The following PI4K2A variants were observed in gnomAD, a reference collection of about 807,000 sequenced individuals.
PI4K2A encodes phosphatidylinositol 4-kinase type 2 alpha, also known as phosphatidylinositol 4-kinase type 2-alpha.
In PI4K2A, 20 loss-of-function variants were observed where a neutral mutation model predicts 55.0. The ratio of observed to expected loss-of-function variants is 0.36; its 90% CI spans 0.26 to 0.53. PI4K2A has a LOEUF of 0.53. PI4K2A is among the 20% of genes least tolerant of loss of function. The pLI, the probability that PI4K2A is intolerant of heterozygous loss-of-function variation, is 0.91. For missense variants in PI4K2A, 463 were observed against 637.1 expected, an observed-to-expected ratio of 0.73 and a Z score of 2.94; for synonymous variants, 235 against 258.5, an observed-to-expected ratio of 0.91 and a Z score of 0.87.
At chr10:97,643,617 G>A (rs1438859754) in intron 1 of PI4K2A, among the ~76,000 whole-genome samples, 3 of 152,060 alleles carry the variant, frequency 2.0e-5, no homozygotes, top group African/African-American at 4.8e-5. Flanking sequence ...TTCTCATAGG[G>A]GAAGTCCAAA....
chr10:97,642,078 T>C (rs932256374), intron 1 of PI4K2A, among the ~76,000 whole-genome samples: 1 of 152,148 alleles, frequency 6.6e-6, no homozygotes, highest in African/African-American at 2.4e-5. Context: ...TGTGCTGCAA[T>C]GGGTCATTGG....
At chr10:97,658,461 G>T (rs971691811) in intron 4 of PI4K2A, among the ~76,000 whole-genome samples, 16 of 152,140 alleles carry the variant, frequency 1.1e-4, no homozygotes, top group African/African-American at 3.9e-4. Context: ...GGTTGCTTCT[G>T]CATTTTAGCT....
At chr10:97,641,814 G>A (rs1010295655) in intron 1 of PI4K2A, among the ~76,000 whole-genome samples, 2 of 152,154 alleles carry the variant, frequency 1.3e-5, no homozygotes, top group African/African-American at 4.8e-5. Flanking sequence ...TGGAGTTTTA[G>A]AAACATGGGG....
Position 97,667,210 on chromosome 10 carries a change from A to AC in PI4K2A, c.1278+98dup, listed in dbSNP as rs151275374. On this transcript the variant is annotated intron_variant, in intron 8 of 8. Coordinates refer to ENST00000370631, the Ensembl canonical transcript of PI4K2A. ...CAAATGTTTGAAGTTTGTGTTTTATACCCCCCCCTTTTTTTTTGAGACCGA... is the reference window on the plus strand; with the variant it reads ...CAAATGTTTGAAGTTTGTGTTTTATACCCCCCCCCTTTTTTTTTGAGACCGA... 352 of 756,426 alleles carry AC rather than the reference A, an allele frequency of 4.7e-4. 1 individual carries two copies. The highest frequency in any genetic ancestry group is 1.1e-3 in the East Asian group (41 of 36,024). 46.9% of individuals were successfully genotyped at this position (756,426 alleles called of 1,614,324 possible).
In PI4K2A at chr10:97,656,810, C is replaced by G. The variant is rs746559052; in HGVS notation, c.769-11C>G. The G allele has an allele frequency of 6.2e-7, 1 of 1,613,942 alleles. No individual in the cohort carries two copies. Among genetic ancestry groups the G allele is most frequent in the African/African-American group, 1.3e-5 (1 of 75,050 alleles). On this transcript the variant is annotated splice_polypyrimidine_tract_variant and intron_variant, in intron 3 of 8. Transcript: ENST00000370631. This position sits in a 1 kb window ranked among gnomAD's most constrained non-coding sequence, Gnocchi z 4.5. The stretch of plus-strand genomic sequence containing the variant: ...TAGGGAAAAACCTTTGTTCCTTCCT[C>G]TTGGTTCCAGGTTGGTTCATTCCAG...
intron 1 of PI4K2A, 134 bp downstream of exon 1, chr10:97,641,311 C>T: frequency 1.5e-6 from 1 of 649,422 alleles, no homozygotes; most frequent in African/African-American, 1.9e-5. Flanking sequence ...TTAGGGATGC[C>T]ACTGAGGACT....
At chr10:97,655,245 C>G (rs1256427173) in intron 2 of PI4K2A, among the ~76,000 whole-genome samples, 1 of 151,594 alleles carries the variant, frequency 6.6e-6, no homozygotes, top group Non-Finnish European at 1.5e-5. Context: ...TGGCACACAC[C>G]TGTAATCCCA....
chr10:97,650,880 G>A (rs909120307), intron 1 of PI4K2A, 61 bp from the exon 2 acceptor site: 1 of 1,213,112 alleles, frequency 8.2e-7, no homozygotes, highest in African/African-American at 1.5e-5. Flanking sequence ...CTGCTGACTT[G>A]GTCTGTGGGC....
At chr10:97,658,173 C>T (rs1360172117) in intron 4 of PI4K2A, among the ~76,000 whole-genome samples, 1 of 152,144 alleles carries the variant, frequency 6.6e-6, no homozygotes, top group East Asian at 1.9e-4. Flanking sequence ...GCTCTATACT[C>T]ATTAAACAGT....
At chr10:97,653,889 C>G (rs1316658309) in intron 2 of PI4K2A, among the ~76,000 whole-genome samples, 6 of 151,698 alleles carry the variant, frequency 4.0e-5, no homozygotes, top group Non-Finnish European at 5.9e-5. Flanking sequence ...CACACTCTAT[C>G]CTGGGCAACA....
At chr10:97,672,730 T>C (rs941476930) in intron 8 of PI4K2A, among the ~76,000 whole-genome samples, 4 of 134,562 alleles carry the variant, frequency 3.0e-5, no homozygotes, top group Admixed American at 2.2e-4. Context: ...CTGTTCTTTT[T>C]TTTTTTTTTT....
intron 2 of PI4K2A, among the ~76,000 whole-genome samples, chr10:97,655,389 A>T (rs953684989): frequency 6.6e-6 from 1 of 150,796 alleles, no homozygotes; most frequent in Non-Finnish European, 1.5e-5. Context: ...AAAAAAAAAA[A>T]ATTTTTTTTC....
At chr10:97,673,206 G>A (rs536379847) in intron 8 of PI4K2A, among the ~76,000 whole-genome samples, 1 of 151,798 alleles carries the variant, frequency 6.6e-6, no homozygotes, top group African/African-American at 2.4e-5. Context: ...GGCCAGGCTC[G>A]TCTGAAACTC....
intron 4 of PI4K2A, among the ~76,000 whole-genome samples, chr10:97,657,890 C>T (rs1350374481): frequency 8.1e-6 from 1 of 122,776 alleles, no homozygotes; most frequent in African/African-American, 2.9e-5. Context: ...GGCTGGAGTG[C>T]AATGGTGCGA....
chr10:97,652,715 A>G (rs763243733), intron 2 of PI4K2A, among the ~76,000 whole-genome samples: 5 of 152,194 alleles, frequency 3.3e-5, no homozygotes, highest in African/African-American at 7.2e-5. Flanking sequence ...ATATTTAACC[A>G]TGTCTGCTCC....
intron 8 of PI4K2A, among the ~76,000 whole-genome samples, chr10:97,670,244 G>C (rs1384407319): frequency 6.6e-6 from 1 of 152,094 alleles, no homozygotes; most frequent in African/African-American, 2.4e-5. Context: ...TTATGTGACT[G>C]CTATAATTTT....
intron 5 of PI4K2A, 114 bp downstream of exon 5, chr10:97,663,082 A>G (rs1478279546): frequency 6.9e-6 from 5 of 727,792 alleles, no homozygotes; most frequent in Non-Finnish European, 1.2e-5. Flanking sequence ...GGGGGCGCAT[A>G]TGTTTAAAAT....
chr10:97,672,566 A>G (rs890783157), intron 8 of PI4K2A, among the ~76,000 whole-genome samples: 1 of 152,036 alleles, frequency 6.6e-6, no homozygotes, highest in African/African-American at 2.4e-5. Flanking sequence ...TTAAATTTCT[A>G]TATATTTTAG....
intron 8 of PI4K2A, among the ~76,000 whole-genome samples, chr10:97,670,093 T>C (rs1302565625): frequency 6.6e-6 from 1 of 151,782 alleles, no homozygotes; most frequent in African/African-American, 2.4e-5. Flanking sequence ...AGAGGTGGGG[T>C]CTCGCTATGT....
Sources: gnomAD v4.1 joint callset for allele counts (sites outside exome capture counted in the v4.1 genomes callset) on GRCh38, gnomAD v4.1.1 for gene constraint, Gnocchi (gnomAD v3.1) non-coding constraint, MANE v1.5 for transcripts, NCBI Gene and HGNC (gene_info 2026-07-23, HGNC 2026-07-21) for gene names.